The following AGBL1 variants were observed in gnomAD, a reference collection of about 807,000 sequenced individuals.
AGBL1 encodes the protein AGBL carboxypeptidase 1, also known as cytosolic carboxypeptidase 4.
In AGBL1, 130 loss-of-function variants were observed where a neutral mutation model predicts 118.9. The ratio of observed to expected loss-of-function variants is 1.09; its 90% confidence interval spans 0.95 to 1.26. AGBL1 has a LOEUF of 1.26. Among genes scored for constraint, AGBL1 ranks in the 50% most tolerant of loss-of-function variants. AGBL1 has a pLI of 0.00. For missense variants in AGBL1, 1,584 were observed against 1,298.1 expected, an observed-to-expected ratio of 1.22 and a Z score of -3.38; for synonymous variants, 555 against 478.9, an observed-to-expected ratio of 1.16 and a Z score of -2.08.
chr15:86,954,731 C>G (rs1041975620), intron 23 of AGBL1, among the ~76,000 whole-genome samples: 22 of 152,132 alleles, frequency 1.4e-4, no homozygotes, highest in African/African-American at 4.6e-4. Context: ...AAGATCCATT[C>G]CACAACCTCA....
chr15:86,434,261 AC>A, intron 18 of AGBL1, among the ~76,000 whole-genome samples: 1 of 152,206 alleles, frequency 6.6e-6, no homozygotes, highest in East Asian at 1.9e-4. Flanking sequence ...TATTCTCACC[AC>A]CCAGTTATCT....
intron 21 of AGBL1, among the ~76,000 whole-genome samples, chr15:86,559,876 G>A (rs571378228): frequency 6.6e-6 from 1 of 152,262 alleles, no homozygotes; most frequent in South Asian, 2.1e-4. Flanking sequence ...CTGGGCTTTG[G>A]AAGCAGGAGA....
chr15:86,778,558 G>A (rs1219133445), intron 22 of AGBL1, among the ~76,000 whole-genome samples: 4 of 152,104 alleles, frequency 2.6e-5, no homozygotes, highest in East Asian at 1.9e-4. Context: ...AGAATTCAGC[G>A]ATATTTCTCC....
In AGBL1 at chr15:86,186,425, G is replaced by C. The variant is rs1459731809; in HGVS notation, c.488+27399G>C. Reference sequence around the variant, plus strand: ...TTATGCATTCCAACACAAGTCTCTGGACCTCACGTCCTGATCAGTAAACGT... The same window carrying C: ...TTATGCATTCCAACACAAGTCTCTGCACCTCACGTCCTGATCAGTAAACGT... On this transcript the variant is annotated intron_variant, in intron 5 of 22. Transcript: ENST00000614907. Among the ~76,000 whole-genome samples, 3 of 152,168 alleles carry C rather than the reference G, an allele frequency of 2.0e-5. No homozygotes were observed. The East Asian group carries it at 5.8e-4, about 29-fold the overall frequency.
chr15:86,770,665 T>C (rs2078163862), intron 22 of AGBL1, among the ~76,000 whole-genome samples: 1 of 151,636 alleles, frequency 6.6e-6, no homozygotes, highest in African/African-American at 2.4e-5. Context: ...TAAAGGACAA[T>C]TAGGAGTTTT....
chr15:86,897,849 A>C (rs1567229563), intron 22 of AGBL1, among the ~76,000 whole-genome samples: 1 of 137,996 alleles, frequency 7.2e-6, no homozygotes, highest in Non-Finnish European at 1.5e-5. Context: ...AGCTCACTGC[A>C]GTTTCGACCT....
chr15:86,178,962 G>C (rs1323779553), intron 5 of AGBL1, among the ~76,000 whole-genome samples: 1 of 152,182 alleles, frequency 6.6e-6, no homozygotes, highest in Admixed American at 6.5e-5. Flanking sequence ...TGGGGCCAAA[G>C]GCTTTTCCCA....
intron 18 of AGBL1, among the ~76,000 whole-genome samples, chr15:86,418,151 G>T (rs1340259402): frequency 6.6e-6 from 1 of 152,154 alleles, no homozygotes; most frequent in Non-Finnish European, 1.5e-5. Flanking sequence ...GAGCTGACAA[G>T]AATTTCTTTT....
chr15:86,210,149 C>G (rs949917044), intron 5 of AGBL1, among the ~76,000 whole-genome samples: 2 of 152,214 alleles, frequency 1.3e-5, no homozygotes, highest in African/African-American at 4.8e-5. Context: ...GGCCTCCACT[C>G]TCTTCTGGCT....
intron 22 of AGBL1, among the ~76,000 whole-genome samples, chr15:86,865,442 A>G (rs1388975237): frequency 1.3e-5 from 2 of 152,212 alleles, no homozygotes; most frequent in African/African-American, 4.8e-5. Context: ...TCAGAAACAC[A>G]GGCCCTTGGC....
intron 18 of AGBL1, among the ~76,000 whole-genome samples, chr15:86,405,210 T>C (rs1272038921): frequency 3.9e-5 from 6 of 152,170 alleles, no homozygotes; most frequent in Non-Finnish European, 8.8e-5. Flanking sequence ...TACTGGGCTT[T>C]AAAGAAAGTG....
chr15:86,716,602 C>T (rs576148979), intron 22 of AGBL1, among the ~76,000 whole-genome samples: 2 of 152,148 alleles, frequency 1.3e-5, no homozygotes, highest in Non-Finnish European at 2.9e-5. Context: ...GAAAAAAGCT[C>T]ACGGCTATCT....
chr15:86,814,582 G>A (rs2078834542), intron 22 of AGBL1, among the ~76,000 whole-genome samples: 1 of 152,208 alleles, frequency 6.6e-6, no homozygotes, highest in Admixed American at 6.5e-5. Flanking sequence ...CCATCAGGTA[G>A]AGAGGAGTGG....
intron 22 of AGBL1, among the ~76,000 whole-genome samples, chr15:86,773,889 T>C (rs2078216184): frequency 6.6e-6 from 1 of 152,092 alleles, no homozygotes; most frequent in Non-Finnish European, 1.5e-5. Flanking sequence ...CAGGAAAGCC[T>C]CTGACAGATG....
rs73445640 is a variant in AGBL1, at chr15:86,186,612, C to T, written c.488+27586C>T. On this transcript the variant is annotated intron_variant, in intron 5 of 22. Coordinates refer to ENST00000614907, the MANE Select transcript of AGBL1 (RefSeq NM_001386094.1). Reference sequence around the variant, plus strand: ...TGCTATGGGAGTGCTGTTTTATTCTCGAGAGCCAGGCTGACACGGAGCCCT... The same window carrying T: ...TGCTATGGGAGTGCTGTTTTATTCTTGAGAGCCAGGCTGACACGGAGCCCT... Among the ~76,000 whole-genome samples the T allele has an allele frequency of 4.8e-3, 732 of 152,244 alleles. 9 individuals carry two copies. The highest frequency in any genetic ancestry group is 0.017 in the African/African-American group (700 of 41,542).
rs985423422 is a variant in AGBL1, at chr15:86,385,494, A to T, written c.2375-11872A>T. Among the ~76,000 whole-genome samples, 64 of 152,210 alleles carry T rather than the reference A, an allele frequency of 4.2e-4. 1 individual carries two copies. Among genetic ancestry groups the T allele is most frequent in the Admixed American group, 3.0e-3 (46 of 15,278 alleles). On this transcript the variant is annotated intron_variant, in intron 17 of 22. Coordinates refer to ENST00000614907, the MANE Select transcript of AGBL1 (RefSeq NM_001386094.1). ...TCCAGAGGATTCACACACACTTTGA[A>T]GTTTGAGAAACACTTTTCTAGTAGA...
At position 86,243,807 on chromosome 15, in the gene AGBL1, G is replaced by C. The variant is rs995359183; in HGVS notation, c.527-3864G>C. On this transcript the variant is annotated intron_variant, in intron 6 of 22. Coordinates refer to ENST00000614907, the MANE Select transcript of AGBL1 (RefSeq NM_001386094.1). ...GTGGATCACTTGAGGTCAGGAGTTC[G>C]AGCCCAGCCTGGCCAACATGGTGAA... Among the ~76,000 whole-genome samples the C allele has an allele frequency of 2.0e-5, 3 of 151,992 alleles. No homozygotes were observed. The East Asian group carries it at 5.8e-4, about 29-fold the overall frequency.
chr15:86,244,198 G>A (rs745416690), intron 6 of AGBL1, among the ~76,000 whole-genome samples: 2 of 152,048 alleles, frequency 1.3e-5, no homozygotes, highest in African/African-American at 2.4e-5. Flanking sequence ...TATGTAAACA[G>A]ACTATAGCAG....
intron 6 of AGBL1, 89 bp downstream of exon 6, chr15:86,225,040 T>TC: frequency 7.3e-7 from 1 of 1,366,028 alleles, no homozygotes; most frequent in South Asian, 1.3e-5. Context: ...TTTCTTTTTT[T>TC]TTTTTTTTCA....
Sources: gnomAD v4.1 joint callset for allele counts (sites outside exome capture counted in the v4.1 genomes callset) on GRCh38, gnomAD v4.1.1 for gene constraint, MANE v1.5 for transcripts, NCBI Gene and HGNC (gene_info 2026-07-23, HGNC 2026-07-21) for gene names.